Variants in OPN4 observed in about 807,000 individuals in gnomAD.
OPN4 encodes the protein opsin 4.
OPN4 carries 43 observed loss-of-function variants against 49.5 expected under a neutral mutation model. The observed-to-expected ratio is 0.87, with a 90% confidence interval of 0.68 to 1.12. The LOEUF is 1.12. Among genes scored for constraint, OPN4 ranks in the 50% most tolerant of loss-of-function variants. The pLI is 0.00. For synonymous variants in OPN4, 263 were observed against 258.0 expected, an observed-to-expected ratio of 1.02 and a Z score of -0.19; for missense variants, 657 against 643.9, an observed-to-expected ratio of 1.02 and a Z score of -0.22.
rs750329818 is a variant in OPN4, at chr10:86,660,042, C to A, written c.948C>A (p.Ala316=). The A allele has an allele frequency of 6.2e-7, 1 of 1,614,164 alleles. No homozygotes were observed. The highest frequency in any genetic ancestry group is 1.7e-5 in the Admixed American group (1 of 60,022). Residue 316 remains alanine (A), a synonymous_variant, in exon 6 of 10, where the codon GCC becomes GCA. Transcript: ENST00000241891. ...CCTGGGCTCCCTATTCCGCTGTGGC[C>A]CTGGTGGCCTTTGCTGGGTAAGCAG... The part of the protein sequence containing the change: ...VLSWAPYSAV[A]LVAFAGYAHV...
In OPN4 at chr10:86,666,242, TCCC is replaced by T. The variant is rs569835599; in HGVS notation, c.*494_*496del. The T allele has an allele frequency of 0.02, 3,747 of 187,742 alleles. 58 individuals are homozygous for T. The highest frequency in any genetic ancestry group is 0.03 in the Non-Finnish European group (2,659 of 90,002). 11.6% of individuals were successfully genotyped at this position (187,742 alleles called of 1,614,324 possible). ...GAACAGTTACTCACCTGTGGCTTCT[TCCC>T]CCAGTGTACCGTTCCACTGTGGCCC... On this transcript the variant is annotated 3_prime_UTR_variant, in exon 10 of 10. Coordinates refer to ENST00000241891, the MANE Select transcript of OPN4 (RefSeq NM_033282.4).
rs1400270260 is a variant in OPN4 at position 86,662,288 on chromosome 10, G to A, written c.1110G>A (p.Val370=). The part of the protein sequence containing the change: ...AIAQHLPCLG[V]LLGVSRRHSR... ...CCCAGCACCTGCCCTGCCTGGGGGT[G>A]CTGCTGGGTGTATCACGCCGGCACA... Residue 370 remains valine, a synonymous_variant, in exon 8 of 10, where the codon GTG becomes GTA. Transcript: ENST00000241891. The A allele has an allele frequency of 6.2e-7, 1 of 1,609,448 alleles. No individual in the cohort carries two copies. Among genetic ancestry groups the A allele is most frequent in the Non-Finnish European group, 8.5e-7 (1 of 1,179,290 alleles).
intron 1 of OPN4, 120 bp from the exon 2 acceptor site, chr10:86,656,035 T>C (rs1843852585): frequency 6.1e-6 from 8 of 1,306,274 alleles, no homozygotes; most frequent in Non-Finnish European, 8.6e-6. Flanking sequence ...CAACTGGCTT[T>C]GCCACTCTGA....
chr10:86,659,108 A>G (rs1843939480), intron 4 of OPN4, among the ~76,000 whole-genome samples, 189 bp from the exon 5 acceptor site: 1 of 152,190 alleles, frequency 6.6e-6, no homozygotes. Flanking sequence ...GCTCAAATCT[A>G]GCAGGAATGG....
At position 86,654,735 on chromosome 10, in the gene OPN4, G is replaced by A. The variant is rs746826456; in HGVS notation, c.-49G>A. 2 of 1,579,770 alleles carry A rather than the reference G, an allele frequency of 1.3e-6. No individual in the cohort carries two copies. The highest frequency in any genetic ancestry group is 2.3e-5 in the South Asian group (2 of 88,334). On this transcript the variant is annotated 5_prime_UTR_variant, in exon 1 of 10. In the 5' UTR this introduces an upstream ATG that the reference lacks. Transcript: ENST00000241891. Reference sequence around the variant, plus strand: ...GCACAGCTGAAGTCCTGAGCTCCCTGTGCCCTTGACTTCTCTGTGGGCTCG... The same window carrying A: ...GCACAGCTGAAGTCCTGAGCTCCCTATGCCCTTGACTTCTCTGTGGGCTCG...
At chr10:86,664,134 A>C in intron 9 of OPN4, 1 of 255,464 alleles carries the variant, frequency 3.9e-6, no homozygotes, top group Non-Finnish European at 7.5e-6. Flanking sequence ...CAGCCGTCAG[A>C]GCATAGCTCG....
rs1396615855 is a variant in OPN4 at position 86,658,220 on chromosome 10, A to G, written c.424+55A>G. ...GGAGGAGGAGGGTTTTGACCTGGGG[A>G]TGCCCTCAATGGAGGGTGGCCCAAA... On this transcript the variant is annotated intron_variant, in intron 3 of 9. Coordinates refer to ENST00000241891, the MANE Select transcript of OPN4 (RefSeq NM_033282.4). 1.1e-5 allele frequency: 17 copies of G among 1,598,742 alleles called. No homozygotes were observed. In the East Asian group the frequency reaches 3.8e-4, roughly 36 times the overall value.
chr10:86,665,246 G>A (rs1225634610), intron 9 of OPN4, among the ~76,000 whole-genome samples: 2 of 152,116 alleles, frequency 1.3e-5, no homozygotes, highest in Non-Finnish European at 2.9e-5. Context: ...CAGTGGGAAG[G>A]CCCCATCAGG....
At chr10:86,665,311 G>A (rs557237689) in intron 9 of OPN4, among the ~76,000 whole-genome samples, 5 of 152,220 alleles carry the variant, frequency 3.3e-5, no homozygotes. Context: ...CTGGGAGGGG[G>A]TTGGTTAGCT....
intron 1 of OPN4, among the ~76,000 whole-genome samples, chr10:86,655,743 G>T (rs1479933036): frequency 6.6e-6 from 1 of 152,194 alleles, no homozygotes; most frequent in Non-Finnish European, 1.5e-5. Flanking sequence ...CCACCCCAGC[G>T]TCTAGAGGCC....
At position 86,661,442 on chromosome 10, in the gene OPN4, G is replaced by T. The variant is rs568074366; in HGVS notation, c.1073+54G>T. ...TTGGCCTCCAAGGGCCTGGCCTGCCGATGGGGGCAGAGGCCACCACCTTTC... is the reference window on the plus strand; with the variant it reads ...TTGGCCTCCAAGGGCCTGGCCTGCCTATGGGGGCAGAGGCCACCACCTTTC... On this transcript the variant is annotated intron_variant, in intron 7 of 9. Transcript: ENST00000241891. 3.0e-6 allele frequency: 4 copies of T among 1,351,430 alleles called. No individual in the cohort carries two copies. The East Asian group carries it at 9.3e-5, about 32-fold the overall frequency. 83.7% of individuals were successfully genotyped at this position (1,351,430 alleles called of 1,614,324 possible).
At chr10:86,664,041 C>A (rs1325526860) in intron 9 of OPN4, 1 of 483,064 alleles carries the variant, frequency 2.1e-6, no homozygotes. Context: ...TGTGATCATG[C>A]AACTCTGACT....
rs746942280 is a variant in OPN4 at position 86,659,338 on chromosome 10, G to A, written c.670G>A (p.Asp224Asn). 33 of 1,613,730 alleles carry A rather than the reference G, an allele frequency of 2.0e-5. No homozygotes were observed. Among genetic ancestry groups the A allele is most frequent in the African/African-American group, 2.7e-5 (2 of 75,072 alleles). ...PEGLLTSCSW[D>N]YMSFTPAVRA... ...GGGGTTGCTGACATCCTGCTCCTGG[G>A]ACTACATGAGCTTCACGCCGGCCGT... Residue 224 changes from aspartate to asparagine, a missense_variant, in exon 5 of 10, where the codon GAC becomes AAC. Asp to Asn is a conservative substitution (Grantham distance 23). Coordinates refer to ENST00000241891, the MANE Select transcript of OPN4 (RefSeq NM_033282.4).
At chr10:86,658,849 AG>A (rs1383224253) in intron 4 of OPN4, among the ~76,000 whole-genome samples, 162 bp downstream of exon 4, 2 of 152,188 alleles carry the variant, frequency 1.3e-5, no homozygotes, top group Non-Finnish European at 2.9e-5. Flanking sequence ...ACTGGCAGCA[AG>A]GGAAACTGAC....
In OPN4 at chr10:86,662,272, T is replaced by C. The variant is rs1282983956; in HGVS notation, c.1094T>C (p.Leu365Pro). Residue 365 changes from leucine (L) to proline (P), a missense_variant, in exon 8 of 10, where the codon CTG becomes CCG. Physicochemically the swap from Leu to Pro is moderately conservative, Grantham distance 98. Transcript: ENST00000241891. ...PKYRVAIAQH[L>P]PCLGVLLGVS... ...TGCAGGGTGGCCATTGCCCAGCACC[T>C]GCCCTGCCTGGGGGTGCTGCTGGGT... The C allele has an allele frequency of 1.9e-6, 3 of 1,609,798 alleles. No individual in the cohort carries two copies. The East Asian group carries it at 6.7e-5, about 36-fold the overall frequency.
intron 1 of OPN4, 34 bp from the exon 2 acceptor site, chr10:86,656,121 A>G: frequency 6.2e-7 from 1 of 1,613,824 alleles, no homozygotes; most frequent in Non-Finnish European, 8.5e-7. Flanking sequence ...GACAAGCGAT[A>G]ACATGATTCC....
chr10:86,666,285 G>A lies in OPN4; in HGVS notation c.*534G>A, dbSNP rs3740341. The stretch of plus-strand genomic sequence containing the variant: ...CACTGTGGCCCACATTCTTGTGCAC[G>A]CGGGCATTTGCAGGCACGCTCTCGC... On this transcript the variant is annotated 3_prime_UTR_variant, in exon 10 of 10. Coordinates refer to ENST00000241891, the MANE Select transcript of OPN4 (RefSeq NM_033282.4). The A allele has an allele frequency of 0.17, 31,641 of 185,650 alleles. 3,167 individuals are homozygous for A. The highest frequency in any genetic ancestry group is 0.45 in the East Asian group (2,982 of 6,680). The allele number at this position is 185,650 out of a possible 1,614,324, so 11.5% of individuals were successfully genotyped here.
At position 86,662,297 on chromosome 10, in the gene OPN4, T is replaced by C; in HGVS notation, c.1119T>C (p.Gly373=). The C allele has an allele frequency of 1.9e-6, 3 of 1,609,120 alleles. No individual in the cohort carries two copies. Among genetic ancestry groups the C allele is most frequent in the African/African-American group, 2.7e-5 (2 of 74,978 alleles). ...QHLPCLGVLL[G]VSRRHSRPYP... ...TGCCCTGCCTGGGGGTGCTGCTGGG[T>C]GTATCACGCCGGCACAGTCGCCCCT... The change falls in exon 8 of 10, where the codon GGT becomes GGC. Residue 373 remains glycine (G), a synonymous_variant. Coordinates refer to ENST00000241891, the MANE Select transcript of OPN4 (RefSeq NM_033282.4).
intron 9 of OPN4, among the ~76,000 whole-genome samples, chr10:86,665,221 C>T (rs534696029): frequency 2.6e-5 from 4 of 152,058 alleles, no homozygotes; most frequent in African/African-American, 4.8e-5. Context: ...GAAGAGGAGG[C>T]GGAGGTGGTA....
Sources: allele counts gnomAD v4.1 joint callset (sites outside exome capture counted in the v4.1 genomes callset), GRCh38; gene constraint gnomAD v4.1.1; transcripts MANE v1.5; gene names NCBI Gene and HGNC (gene_info 2026-07-23, HGNC 2026-07-21).